PCDHA2: variants seen among roughly 807,000 people sequenced by gnomAD.
The protein encoded by PCDHA2 is protocadherin alpha 2, also known as protocadherin alpha-2.
PCDHA2 carries 58 observed loss-of-function variants against 66.0 expected under a neutral mutation model. That is an observed-to-expected ratio of 0.88 (90% CI 0.71 to 1.09). The LOEUF is 1.09. PCDHA2 is among the 50% of genes least tolerant of loss of function. The pLI is 0.00. For synonymous variants in PCDHA2, 634 were observed against 554.0 expected (o/e 1.14, Z -2.03); for missense variants, 1,267 against 1,242.3 (o/e 1.02, Z -0.30).
chr5:140,952,006 T>C (rs2094672029), intron 1 of PCDHA2, among the ~76,000 whole-genome samples: 1 of 152,184 alleles, frequency 6.6e-6, no homozygotes, highest in African/African-American at 2.4e-5. Context: ...GAAAGAATTA[T>C]AGGCCCCATG....
intron 1 of PCDHA2, chr5:140,877,996 AT>A (rs1305761926): frequency 2.6e-5 from 27 of 1,037,884 alleles, no homozygotes; most frequent in Non-Finnish European, 3.2e-5. Flanking sequence ...ACTTTTATGT[AT>A]TTGTCTAACA....
chr5:140,910,171 T>C (rs186096076), intron 1 of PCDHA2, among the ~76,000 whole-genome samples: 22 of 152,340 alleles, frequency 1.4e-4, no homozygotes, highest in Admixed American at 1.2e-3. Flanking sequence ...TGATCCTCTG[T>C]TTTTATAATT....
chr5:140,882,480 A>T, intron 1 of PCDHA2: 1 of 1,614,020 alleles, frequency 6.2e-7, no homozygotes, highest in Non-Finnish European at 8.5e-7. Flanking sequence ...TCCAAAAGAC[A>T]CGGGGACCTT....
At chr5:140,871,077 G>GACGGCC (rs782552854) in intron 1 of PCDHA2, 6 of 1,613,222 alleles carry the variant, frequency 3.7e-6, no homozygotes, top group Non-Finnish European at 5.1e-6. Context: ...AGCCGGCGCT[G>GACGGCC]ACGGCCACGG....
chr5:140,904,170 A>T (rs2070892349), intron 1 of PCDHA2, among the ~76,000 whole-genome samples: 1 of 151,964 alleles, frequency 6.6e-6, no homozygotes. Context: ...GTAGTCTTTT[A>T]TTCCTCACCC....
chr5:140,952,417 C>T (rs2153696080), intron 1 of PCDHA2, among the ~76,000 whole-genome samples: 1 of 152,190 alleles, frequency 6.6e-6, no homozygotes, highest in Non-Finnish European at 1.5e-5. Flanking sequence ...TAATGTTCCG[C>T]AGATTCCTAC....
At chr5:140,936,662 CT>C (rs1337986057) in intron 1 of PCDHA2, among the ~76,000 whole-genome samples, 1 of 152,178 alleles carries the variant, frequency 6.6e-6, no homozygotes, top group Non-Finnish European at 1.5e-5. Context: ...TATTCTGTTT[CT>C]GGACTGTCTA....
At chr5:140,803,364 T>A in intron 1 of PCDHA2, 1 of 1,614,186 alleles carries the variant, frequency 6.2e-7, no homozygotes, top group African/African-American at 1.3e-5. Context: ...TGCTCTGCGG[T>A]GCTCCGCGCC....
At chr5:140,884,501 G>T (rs2060219226) in intron 1 of PCDHA2, 2 of 1,614,146 alleles carry the variant, frequency 1.2e-6, no homozygotes, top group Non-Finnish European at 1.7e-6. Context: ...CTCCAGCGCG[G>T]CAGGGAGTTG....
chr5:140,928,149 T>G (rs782254175), intron 1 of PCDHA2: 3 of 1,614,194 alleles, frequency 1.9e-6, no homozygotes, highest in Non-Finnish European at 2.5e-6. Context: ...CGGCCTCAGA[T>G]AGTGGCTCAC....
intron 1 of PCDHA2, among the ~76,000 whole-genome samples, chr5:140,911,116 C>G (rs1184319768): frequency 6.6e-6 from 1 of 152,142 alleles, no homozygotes; most frequent in Non-Finnish European, 1.5e-5. Flanking sequence ...GAAGCCATCA[C>G]TGTTGCCTCA....
intron 1 of PCDHA2, among the ~76,000 whole-genome samples, chr5:140,907,747 G>A (rs782672220): frequency 7.9e-5 from 12 of 152,172 alleles, no homozygotes; most frequent in Admixed American, 2.0e-4. Flanking sequence ...TGGCCACTTT[G>A]TTCATGGGCC....
In PCDHA2 at chr5:141,009,929, G is replaced by A; in HGVS notation, c.2839G>A (p.Asp947Asn). The A allele has an allele frequency of 1.2e-6, 2 of 1,603,732 alleles. No individual in the cohort carries two copies. Among genetic ancestry groups the A allele is most frequent in the Non-Finnish European group, 1.7e-6 (2 of 1,176,576 alleles). Residue 947 changes from aspartate to asparagine, a missense_variant, in exon 4 of 4, where the codon GAC (aspartate) becomes AAC (asparagine). Transcript: ENST00000526136. ...AGGGAACAGCACGACTGACAACAGT[G>A]ACCAGTGAGGTCCTCAAATGGAAAC... is the stretch of plus-strand genomic sequence containing the variant. ...EKGNSTTDNSDQ is the reference protein window; with the variant it reads ...EKGNSTTDNSNQ
At chr5:140,877,487 A>C (rs1293347310) in intron 1 of PCDHA2, 1 of 1,613,704 alleles carries the variant, frequency 6.2e-7, no homozygotes, top group African/African-American at 1.3e-5. Context: ...CTGGTGGAGA[A>C]CGGCCAGGCC....
intron 1 of PCDHA2, among the ~76,000 whole-genome samples, chr5:140,940,057 A>G (rs2092538975): frequency 6.6e-6 from 1 of 152,224 alleles, no homozygotes; most frequent in African/African-American, 2.4e-5. Flanking sequence ...TTCTTAACCA[A>G]ATATAAATAT....
intron 1 of PCDHA2, among the ~76,000 whole-genome samples, chr5:140,827,413 C>T (rs1769282233): frequency 6.6e-6 from 1 of 152,162 alleles, no homozygotes; most frequent in African/African-American, 2.4e-5. Flanking sequence ...AAAGAATATG[C>T]TCTAGAATTT....
intron 3 of PCDHA2, among the ~76,000 whole-genome samples, chr5:141,000,885 G>C (rs1213239926): frequency 6.6e-6 from 1 of 151,922 alleles, no homozygotes; most frequent in African/African-American, 2.4e-5. Context: ...TCCAACCTGG[G>C]CAACAGATAT....
At chr5:140,869,561 C>G in intron 1 of PCDHA2, 1 of 1,614,150 alleles carries the variant, frequency 6.2e-7, no homozygotes, top group Non-Finnish European at 8.5e-7. Flanking sequence ...TCGCGTTTTC[C>G]ACTAGAGGGA....
chr5:140,845,374 TAGG>T (rs1779845907), intron 1 of PCDHA2, among the ~76,000 whole-genome samples: 1 of 149,664 alleles, frequency 6.7e-6, no homozygotes, highest in South Asian at 2.1e-4. Flanking sequence ...ATATCATAAA[TAGG>T]AGGATTCTTT....
Sources: gnomAD v4.1 joint callset for allele counts (sites outside exome capture counted in the v4.1 genomes callset) on GRCh38, gnomAD v4.1.1 for gene constraint, MANE v1.5 for transcripts, NCBI Gene and HGNC (gene_info 2026-07-23, HGNC 2026-07-21) for gene names.